The following CDH18 variants were observed in gnomAD, a reference collection of about 807,000 sequenced individuals.
CDH18 encodes cadherin-18.
In CDH18, 31 loss-of-function variants were observed where a neutral mutation model predicts 67.9. The observed-to-expected ratio is 0.46, with a 90% CI of 0.34 to 0.62. The LOEUF (loss-of-function observed/expected upper bound fraction) is 0.62, where lower values mean the gene tolerates loss of function less well. Among genes scored for constraint, CDH18 ranks in the 20% least tolerant of loss-of-function variants. The pLI, the probability that CDH18 is intolerant of heterozygous loss-of-function variation, is 0.01. For synonymous variants in CDH18, 362 were observed against 347.2 expected (o/e 1.04, Z -0.48); for missense variants, 890 against 975.5 (o/e 0.91, Z 1.17).
rs1164819128 is a variant in CDH18, at chr5:19,804,285, G to C, written c.228+34474C>G. On this transcript the variant is annotated intron_variant, in intron 3 of 12. Coordinates refer to ENST00000382275, the MANE Select transcript of CDH18 (RefSeq NM_004934.5). ...CCACTGCACTCCAGCCTGGGGGACAGAGCGAGATTCCATCTCAAAAAAAAA... is the reference window on the plus strand; with the variant it reads ...CCACTGCACTCCAGCCTGGGGGACACAGCGAGATTCCATCTCAAAAAAAAA... 4.0e-5 allele frequency among the ~76,000 whole-genome samples: 6 copies of C among 149,648 alleles called. No individual in the cohort carries two copies. In the South Asian group the frequency reaches 1.0e-3, roughly 26 times the overall value.
chr5:20,418,699 T>G (rs777988535), intron 1 of CDH18, among the ~76,000 whole-genome samples: 2 of 152,042 alleles, frequency 1.3e-5, no homozygotes, highest in African/African-American at 2.4e-5. Context: ...TAAGACAACT[T>G]AAGTTTAACT....
chr5:19,639,131 C>A lies in CDH18; in HGVS notation c.644-26530G>T, dbSNP rs1196484615. On this transcript the variant is annotated intron_variant, in intron 5 of 12. Transcript: ENST00000382275. ...CATTCTCCTGGCTCAGCTTCCCTAG[C>A]AGCTGGGACTACAGGCACCCGCCAC... Among the ~76,000 whole-genome samples the A allele has an allele frequency of 3.3e-5, 5 of 151,820 alleles. No homozygotes were observed. In the East Asian group the frequency reaches 9.7e-4, roughly 29 times the overall value.
At chr5:19,728,391 G>T (rs1025449470) in intron 4 of CDH18, among the ~76,000 whole-genome samples, 1 of 152,084 alleles carries the variant, frequency 6.6e-6, no homozygotes, top group Non-Finnish European at 1.5e-5. Context: ...CCATGCTGAG[G>T]ATTAGTTTCT....
Position 19,968,922 on chromosome 5 carries a change from G to GA in CDH18, c.-257+12137dup, listed in dbSNP as rs1254823798. Among the ~76,000 whole-genome samples the GA allele has an allele frequency of 5.7e-5, 8 of 140,508 alleles. No homozygotes were observed. In the East Asian group the frequency reaches 1.4e-3, roughly 25 times the overall value. The allele number at this position is 140,508 out of a possible 152,430, so 92.2% of individuals were successfully genotyped here. A position where few individuals can be genotyped will look rare whatever the true frequency, so the allele number is the denominator to read the frequency against. Reference sequence around the variant, plus strand: ...TGAACAGGCAAACTACAAAATGGGAGAAAATTTTCACAACCTACTCATCTG... The same window carrying GA: ...TGAACAGGCAAACTACAAAATGGGAGAAAAATTTTCACAACCTACTCATCTG... On this transcript the variant is annotated intron_variant, in intron 2 of 12. Coordinates refer to ENST00000382275, the MANE Select transcript of CDH18 (RefSeq NM_004934.5).
chr5:19,632,562 T>G (rs2150185838), intron 5 of CDH18, among the ~76,000 whole-genome samples: 1 of 152,318 alleles, frequency 6.6e-6, no homozygotes, highest in South Asian at 2.1e-4. Flanking sequence ...TTCTTGAATA[T>G]TTTCCTAAAA....
chr5:19,490,394 G>GTTTTTTTTTTTTTTTTTTTTTTTT (rs70950073), intron 11 of CDH18, among the ~76,000 whole-genome samples: 2 of 60,210 alleles, frequency 3.3e-5, no homozygotes, highest in African/African-American at 6.7e-5. Flanking sequence ...ATAAAAATCT[G>GTTTTTTTTTTTTTTTTTTTTTTTT]TTTTTTTTTT....
At position 20,166,684 on chromosome 5, in the gene CDH18, A is replaced by G. The variant is rs182725769; in HGVS notation, c.-518+88760T>C. 5.3e-5 allele frequency among the ~76,000 whole-genome samples: 8 copies of G among 152,192 alleles called. No homozygotes were observed. The East Asian group carries it at 1.6e-3, about 30-fold the overall frequency. ...CTTTTAAAAAGCTTCTTAGTAGCAG[A>G]TGGTTCTTGCTGACTTGTAGGATTA... is the stretch of plus-strand genomic sequence containing the variant. On this transcript the variant is annotated intron_variant, in intron 2 of 14. Transcript: ENST00000507958.
In CDH18 at chr5:20,157,154, T is replaced by C. The variant is rs1042640819; in HGVS notation, c.-518+98290A>G. Among the ~76,000 whole-genome samples, 6 of 152,206 alleles carry C rather than the reference T, an allele frequency of 3.9e-5. No homozygotes were observed. The East Asian group carries it at 9.6e-4, about 24-fold the overall frequency. On this transcript the variant is annotated intron_variant, in intron 2 of 14. Transcript: ENST00000507958. ...GATTTTATTGTGAAACTCAGAATGG[T>C]ATACGATTTAAAGTTTATAAATTGT...
intron 1 of CDH18, among the ~76,000 whole-genome samples, chr5:20,295,416 G>T (rs77467841): frequency 0.051 from 7,696 of 152,156 alleles, 518 homozygotes; most frequent in East Asian, 0.28. Flanking sequence ...CACTTTTCCA[G>T]ATGGTTATCA....
chr5:20,050,003 G>GA (rs1257947599), intron 2 of CDH18, among the ~76,000 whole-genome samples: 3 of 151,556 alleles, frequency 2.0e-5, no homozygotes, highest in East Asian at 1.9e-4. Flanking sequence ...TGAAATAGAG[G>GA]AAAAATGAAA....
At chr5:20,152,939 AT>A (rs34475393) in intron 2 of CDH18, among the ~76,000 whole-genome samples, 1,357 of 125,884 alleles carry the variant, frequency 0.011, 7 homozygotes, top group Middle Eastern at 0.032. Context: ...AGGATGAGGA[AT>A]TTTTTTTTTT....
chr5:20,081,159 A>T (rs1561774760), intron 2 of CDH18, among the ~76,000 whole-genome samples: 2 of 152,130 alleles, frequency 1.3e-5, no homozygotes, highest in African/African-American at 4.8e-5. Flanking sequence ...ATCTTTTCCT[A>T]TTTTGGTAAC....
intron 1 of CDH18, among the ~76,000 whole-genome samples, chr5:20,499,554 T>G (rs1754122449): frequency 6.6e-6 from 1 of 152,106 alleles, no homozygotes; most frequent in African/African-American, 2.4e-5. Flanking sequence ...ATCTCCTCAA[T>G]CCCAACCTGT....
chr5:19,805,803 A>G (rs62355778), intron 3 of CDH18, among the ~76,000 whole-genome samples: 1,638 of 152,206 alleles, frequency 0.011, 10 homozygotes, highest in South Asian at 0.022. Context: ...AATTTCTTCT[A>G]CAATTGTCAA....
chr5:20,256,120 A>G (rs1219646945), intron 1 of CDH18, among the ~76,000 whole-genome samples: 1 of 152,030 alleles, frequency 6.6e-6, no homozygotes, highest in African/African-American at 2.4e-5. Context: ...TAAAATTTGA[A>G]TATAATCCCT....
intron 2 of CDH18, among the ~76,000 whole-genome samples, chr5:19,999,811 C>G (rs7719518): frequency 2.6e-5 from 4 of 152,070 alleles, no homozygotes; most frequent in Non-Finnish European, 5.9e-5. Context: ...ATTCTGAATA[C>G]GGGGCTTTAT....
intron 1 of CDH18, among the ~76,000 whole-genome samples, chr5:20,534,453 G>C (rs1006587272): frequency 6.6e-6 from 1 of 151,954 alleles, no homozygotes; most frequent in Non-Finnish European, 1.5e-5. Flanking sequence ...CCAATGTAGA[G>C]ATACAAAACA....
At chr5:20,485,960 A>G (rs1260821416) in intron 1 of CDH18, among the ~76,000 whole-genome samples, 1 of 152,198 alleles carries the variant, frequency 6.6e-6, no homozygotes, top group East Asian at 1.9e-4. Flanking sequence ...AATAGGCTCC[A>G]TGGGGTCATG....
At chr5:20,511,284 T>C (rs1470582524) in intron 1 of CDH18, among the ~76,000 whole-genome samples, 1 of 152,140 alleles carries the variant, frequency 6.6e-6, no homozygotes, top group Non-Finnish European at 1.5e-5. Flanking sequence ...AAGTACTAAG[T>C]ATAGAAAGTA....
Sources: allele counts gnomAD v4.1 joint callset (sites outside exome capture counted in the v4.1 genomes callset), GRCh38; gene constraint gnomAD v4.1.1; transcripts MANE v1.5; gene names NCBI Gene and HGNC (gene_info 2026-07-23, HGNC 2026-07-21).